PTPN13: variants seen among roughly 807,000 people sequenced by gnomAD.
PTPN13 encodes tyrosine-protein phosphatase non-receptor type 13.
In PTPN13, 191 loss-of-function variants were observed where a neutral mutation model predicts 284.0. The observed-to-expected ratio is 0.67, with a 90% CI of 0.60 to 0.76. PTPN13 has a LOEUF of 0.76. PTPN13 is among the 30% of genes least tolerant of loss of function. The pLI is 0.00. For missense variants in PTPN13, 2,797 were observed against 2,939.9 expected, an observed-to-expected ratio of 0.95 and a Z score of 1.12; for synonymous variants, 986 against 1,022.3, an observed-to-expected ratio of 0.96 and a Z score of 0.68.
At chr4:86,598,636 A>G (rs1290670022) in intron 1 of PTPN13, among the ~76,000 whole-genome samples, 1 of 152,198 alleles carries the variant, frequency 6.6e-6, no homozygotes, top group East Asian at 1.9e-4. Context: ...CTCTTTACCT[A>G]CTAGCCAATA....
rs1030258499 is a variant in PTPN13, at chr4:86,758,200, G to A, written c.3224-60G>A. The A allele has an allele frequency of 2.0e-5, 23 of 1,174,504 alleles. No individual in the cohort carries two copies. In the African/African-American group the frequency reaches 3.4e-4, roughly 17 times the overall value. The allele number at this position is 1,174,504 out of a possible 1,614,324, so 72.8% of individuals were successfully genotyped here. On this transcript the variant is annotated intron_variant, in intron 20 of 47. Coordinates refer to ENST00000411767, the MANE Select transcript of PTPN13 (RefSeq NM_080683.3). ...GTTAACATTTAAATTGTTAAAACAA[G>A]CTGACAGTCTTAATGCCTGAGCATG...
At chr4:86,695,342 T>C (rs1730486813) in intron 6 of PTPN13, among the ~76,000 whole-genome samples, 1 of 152,106 alleles carries the variant, frequency 6.6e-6, no homozygotes, top group South Asian at 2.1e-4. Flanking sequence ...CCTATACTTA[T>C]GTCCCCATAC....
rs1003138601 is a variant in PTPN13 at position 86,610,580 on chromosome 4, G to A, written c.-6+15791G>A. Reference sequence around the variant, plus strand: ...TAAAGAGCTCAGACTAGATAAAGTGGGAAGCTACTATCCACCTTGAGTGCT... The same window carrying A: ...TAAAGAGCTCAGACTAGATAAAGTGAGAAGCTACTATCCACCTTGAGTGCT... On this transcript the variant is annotated intron_variant, in intron 1 of 47. Transcript: ENST00000411767. 3.2e-4 allele frequency among the ~76,000 whole-genome samples: 48 copies of A among 152,324 alleles called. 1 individual carries two copies. The highest frequency in any genetic ancestry group is 1.1e-3 in the African/African-American group (45 of 41,580).
chr4:86,813,992 C>A (rs986227057), intron 47 of PTPN13, among the ~76,000 whole-genome samples: 3 of 149,016 alleles, frequency 2.0e-5, no homozygotes, highest in African/African-American at 7.4e-5. Context: ...CAATTCTATA[C>A]CCTGCTTCTT....
intron 7 of PTPN13, among the ~76,000 whole-genome samples, chr4:86,710,330 G>T (rs1732250374): frequency 6.6e-6 from 1 of 152,140 alleles, no homozygotes; most frequent in African/African-American, 2.4e-5. Context: ...AGGTAAAAGT[G>T]GTTATTTAAT....
chr4:86,695,315 C>T (rs1484915813), intron 6 of PTPN13, among the ~76,000 whole-genome samples: 1 of 151,938 alleles, frequency 6.6e-6, no homozygotes. Flanking sequence ...TTCATCCTTT[C>T]TTGCAAATAT....
intron 7 of PTPN13, among the ~76,000 whole-genome samples, chr4:86,703,745 T>C (rs111439066): frequency 0.049 from 7,500 of 152,222 alleles, 251 homozygotes; most frequent in Non-Finnish European, 0.078. Flanking sequence ...GGTGCACACC[T>C]GTAGTTCCAG....
rs553190637 is a variant in PTPN13, at chr4:86,644,470, C to T, written c.115+9099C>T. ...GATTTAATTTATAGTTTAAAATACC[C>T]CACAAAGAAAATTCCAGGCCCATGT... is the stretch of plus-strand genomic sequence containing the variant. On this transcript the variant is annotated intron_variant, in intron 2 of 47. Transcript: ENST00000411767. Among the ~76,000 whole-genome samples, 4 of 152,128 alleles carry T rather than the reference C, an allele frequency of 2.6e-5. No individual in the cohort carries two copies. The East Asian group carries it at 7.7e-4, about 29-fold the overall frequency.
intron 2 of PTPN13, among the ~76,000 whole-genome samples, chr4:86,649,624 C>T (rs1355376690): frequency 6.6e-6 from 1 of 152,116 alleles, no homozygotes; most frequent in South Asian, 2.1e-4. Context: ...GTTTTGGTAT[C>T]TATAGCTTTG....
chr4:86,775,719 T>A (rs1740561344), intron 35 of PTPN13, 67 bp downstream of exon 35: 4 of 1,192,544 alleles, frequency 3.4e-6, no homozygotes, highest in African/African-American at 3.0e-5. Flanking sequence ...TGATTATACT[T>A]CATTCTCTGA....
At chr4:86,788,187 A>G (rs1176458696) in intron 40 of PTPN13, among the ~76,000 whole-genome samples, 3 of 152,200 alleles carry the variant, frequency 2.0e-5, no homozygotes, top group Admixed American at 6.5e-5. Flanking sequence ...TCACTATGGC[A>G]ATTATATTCA....
chr4:86,642,449 C>CTTTTT (rs1241682151), intron 2 of PTPN13, among the ~76,000 whole-genome samples: 12 of 27,464 alleles, frequency 4.4e-4, no homozygotes, highest in African/African-American at 1.4e-3. Flanking sequence ...TCTTCTTCTT[C>CTTTTT]TTTTTTTTTT....
intron 15 of PTPN13, among the ~76,000 whole-genome samples, chr4:86,738,302 T>C (rs1238395772): frequency 1.3e-5 from 2 of 152,228 alleles, no homozygotes; most frequent in Non-Finnish European, 2.9e-5. Context: ...TTTTCCAAAA[T>C]CATTGTACAG....
At chr4:86,766,397 A>G (rs1383604134) in intron 26 of PTPN13, 35 bp from the exon 27 acceptor site, 3 of 1,504,346 alleles carry the variant, frequency 2.0e-6, no homozygotes, top group Non-Finnish European at 2.7e-6. Flanking sequence ...AACATGTAGG[A>G]TTTTTATTTA....
chr4:86,733,586 G>A (rs1320731728), intron 12 of PTPN13, among the ~76,000 whole-genome samples: 1 of 151,918 alleles, frequency 6.6e-6, no homozygotes, highest in Non-Finnish European at 1.5e-5. Context: ...TTATGCTGTA[G>A]ACTCATACAA....
chr4:86,636,174 G>A (rs1185798474), intron 2 of PTPN13, among the ~76,000 whole-genome samples: 1 of 151,958 alleles, frequency 6.6e-6, no homozygotes, highest in Non-Finnish European at 1.5e-5. Context: ...CAGGTGAGAG[G>A]GAGGGGAAAA....
rs183768783 is a variant in PTPN13, at chr4:86,648,299, C to T, written c.115+12928C>T. ...TGTTAATTGTAGTTGCCCTATTGTG[C>T]TACTGAACATTACATCTTATTTTTT... On this transcript the variant is annotated intron_variant, in intron 2 of 47. Coordinates refer to ENST00000411767, the MANE Select transcript of PTPN13 (RefSeq NM_080683.3). 4.9e-3 allele frequency among the ~76,000 whole-genome samples: 749 copies of T among 152,104 alleles called. 11 individuals carry two copies. Among genetic ancestry groups the T allele is most frequent in the African/African-American group, 0.017 (702 of 41,534 alleles).
chr4:86,774,228 A>G, intron 32 of PTPN13, 145 bp from the exon 33 acceptor site: 1 of 707,174 alleles, frequency 1.4e-6, no homozygotes, highest in Non-Finnish European at 2.3e-6. Context: ...CTAGAGTCAG[A>G]CAGACTTGAC....
At chr4:86,600,410 ATT>A (rs1163615785) in intron 1 of PTPN13, among the ~76,000 whole-genome samples, 1 of 59,376 alleles carries the variant, frequency 1.7e-5, no homozygotes, top group Non-Finnish European at 3.7e-5. Context: ...GGTAGATGGT[ATT>A]TTTTTTTTTT....
Sources: gnomAD v4.1 joint callset for allele counts (sites outside exome capture counted in the v4.1 genomes callset) on GRCh38, gnomAD v4.1.1 for gene constraint, MANE v1.5 for transcripts, NCBI Gene and HGNC (gene_info 2026-07-23, HGNC 2026-07-21) for gene names.